Variants in MRPL9 observed in about 807,000 individuals in gnomAD.
MRPL9 encodes the protein mitochondrial ribosomal protein L9, also known as large ribosomal subunit protein bL9m.
In MRPL9, 25 loss-of-function variants were observed where a neutral mutation model predicts 27.6. That is an observed-to-expected ratio of 0.91 (90% CI 0.66 to 1.27). The LOEUF (loss-of-function observed/expected upper bound fraction) is 1.27. Among genes scored for constraint, MRPL9 ranks in the 50% most tolerant of loss-of-function variants. The pLI is 0.00. For synonymous variants in MRPL9, 154 were observed against 139.0 expected, an observed-to-expected ratio of 1.11 and a Z score of -0.76; for missense variants, 362 against 338.0, an observed-to-expected ratio of 1.07 and a Z score of -0.56.
chr1:151,760,771 G>A lies in MRPL9; in HGVS notation c.672+45C>T, dbSNP rs769763380. On this transcript the variant is annotated intron_variant, in intron 6 of 6. Coordinates refer to ENST00000368830, the MANE Select transcript of MRPL9 (RefSeq NM_031420.4). ...AAAGGAAAAAAAGGAAAAAGTGGGG[G>A]AAAAGGAGAAAGAAAAGAAAAAAGA... 7 of 1,494,550 alleles carry A rather than the reference G, an allele frequency of 4.7e-6. No individual in the cohort carries two copies. The South Asian group carries it at 7.4e-5, about 16-fold the overall frequency. The allele number at this position is 1,494,550 out of a possible 1,614,324, so 92.6% of individuals were successfully genotyped here.
In MRPL9 at chr1:151,762,989, C is replaced by T; in HGVS notation, c.310+1G>A. 2 of 1,613,962 alleles carry T rather than the reference C, an allele frequency of 1.2e-6. No homozygotes were observed. Among genetic ancestry groups the T allele is most frequent in the Non-Finnish European group, 1.7e-6 (2 of 1,179,942 alleles). ...AGGAAGCGCCTCGGCCCGGGCCTTA[C>T]TCTCCACCGACTGCGTCAGGATGAG... On this transcript the variant is annotated splice_donor_variant, in intron 2 of 6. Transcript: ENST00000368830. LOFTEE classifies it high-confidence loss of function.
chr1:151,762,108 C>T lies in MRPL9; in HGVS notation c.483G>A (p.Glu161=). The T allele has an allele frequency of 6.2e-7, 1 of 1,614,164 alleles. No individual in the cohort carries two copies. The highest frequency in any genetic ancestry group is 8.5e-7 in the Non-Finnish European group (1 of 1,179,998). ...CACTTTTTATGTTTCTACTCACCGC[C>T]TCACCTGCCTTGGTCTGGATCTTCT... ...KLEKIQTKAG[E]ATVKFLKSCR... Residue 161 remains glutamate, a synonymous_variant, in exon 4 of 7, where the codon GAG becomes GAA. Coordinates refer to ENST00000368830, the MANE Select transcript of MRPL9 (RefSeq NM_031420.4).
intron 6 of MRPL9, 78 bp from the exon 7 acceptor site, chr1:151,760,259 C>T: frequency 6.3e-7 from 1 of 1,576,394 alleles, no homozygotes; most frequent in South Asian, 1.1e-5. Flanking sequence ...CAGCTTTTCA[C>T]CCTGACTTTT....
chr1:151,761,846 C>A lies in MRPL9; in HGVS notation c.486+259G>T, dbSNP rs531021496. ...ACTTGTACGTAAATATCCTTGAAGG[C>A]AGAGCCCTCATCTCAGACTATTCCA... On this transcript the variant is annotated intron_variant, in intron 4 of 6. Coordinates refer to ENST00000368830, the MANE Select transcript of MRPL9 (RefSeq NM_031420.4). 147 of 593,388 alleles carry A rather than the reference C, an allele frequency of 2.5e-4. 6 individuals are homozygous for A. The South Asian group carries it at 3.1e-3, about 12-fold the overall frequency. The allele number at this position is 593,388 out of a possible 1,614,324, so 36.8% of individuals were successfully genotyped here.
In MRPL9 at chr1:151,760,903, CAAAA is replaced by C. The variant is rs755031728; in HGVS notation, c.589-8_589-5del. On this transcript the variant is annotated splice_polypyrimidine_tract_variant and splice_region_variant and intron_variant, in intron 5 of 6. Coordinates refer to ENST00000368830, the MANE Select transcript of MRPL9 (RefSeq NM_031420.4). Reference sequence around the variant, plus strand: ...GTGGGGCAACCACAACACCAAGCTGCAAAAAAAAAAAAAAAAAAAAAAATCTCAG... The same window carrying C: ...GTGGGGCAACCACAACACCAAGCTGCAAAAAAAAAAAAAAAAAAATCTCAG... The C allele has an allele frequency of 2.5e-3, 2,412 of 947,928 alleles. No homozygotes were observed. The highest frequency in any genetic ancestry group is 3.3e-3 in the South Asian group (150 of 45,004). The allele number at this position is 947,928 out of a possible 1,614,324, so 58.7% of individuals were successfully genotyped here. A position where few individuals can be genotyped will look rare whatever the true frequency, so the allele number is the denominator to read the frequency against.
In MRPL9 at chr1:151,762,092, T is replaced by C. The variant is rs1648110911; in HGVS notation, c.486+13A>G. On this transcript the variant is annotated intron_variant, in intron 4 of 6. Transcript: ENST00000368830. ...TCTTGTGACAAATAAACACTTTTTA[T>C]GTTTCTACTCACCGCCTCACCTGCC... 3.7e-6 allele frequency: 6 copies of C among 1,613,850 alleles called. No homozygotes were observed. Among genetic ancestry groups the C allele is most frequent in the African/African-American group, 1.3e-5 (1 of 75,054 alleles).
rs1163091408 is a variant in MRPL9, at chr1:151,763,083, G to A, written c.217C>T (p.Leu73=). The A allele has an allele frequency of 2.5e-6, 4 of 1,614,090 alleles. No individual in the cohort carries two copies. The highest frequency in any genetic ancestry group is 2.5e-6 in the Non-Finnish European group (3 of 1,179,986). ...PLAGEGRKPR[L]HRRHRVYKLV... is the part of the protein sequence containing the mutation. ...TTATAGACGCGATGTCGCCGGTGCA[G>A]GCGCGGCTTCCGGCCCTCCCCGGCC... Residue 73 remains leucine, a synonymous_variant, in exon 2 of 7, where the codon CTG becomes TTG. Coordinates refer to ENST00000368830, the MANE Select transcript of MRPL9 (RefSeq NM_031420.4).
At chr1:151,761,035 G>A (rs540466366) in intron 5 of MRPL9, 136 bp from the exon 6 acceptor site, 1 of 728,122 alleles carries the variant, frequency 1.4e-6, no homozygotes, top group South Asian at 2.1e-5. Flanking sequence ...TGTCTACTCT[G>A]GCTGATTCCA....
At chr1:151,762,606 C>A in intron 2 of MRPL9, 106 bp from the exon 3 acceptor site, 1 of 1,203,674 alleles carries the variant, frequency 8.3e-7, no homozygotes, top group Non-Finnish European at 1.2e-6. Context: ...GCTTATTTTT[C>A]CTAAAAGAAA....
intron 4 of MRPL9, 91 bp from the exon 5 acceptor site, chr1:151,761,643 TC>T: frequency 1.0e-6 from 1 of 975,280 alleles, no homozygotes; most frequent in Non-Finnish European, 1.6e-6. Flanking sequence ...ATGCCTGTAA[TC>T]CCAGCACTTT....
At chr1:151,760,664 G>T in intron 6 of MRPL9, 152 bp downstream of exon 6, 1 of 606,158 alleles carries the variant, frequency 1.6e-6, no homozygotes, top group Non-Finnish European at 2.7e-6. Context: ...CTAGCTACTT[G>T]GGAGGCTGAG....
In MRPL9 at chr1:151,763,345, G is replaced by A. The variant is rs2101546358; in HGVS notation, c.135C>T (p.Phe45=). The change falls in exon 1 of 7, where the codon TTC becomes TTT. Residue 45 remains phenylalanine, a synonymous_variant. Transcript: ENST00000368830. ...CCCTCACCCGATTTTGAGAAAGGCT[G>A]AAGTTGCAGGCCAGGTCAGGGGCGT... ...EGNAPDLACN[F]SLSQNRGTVI... 1 of 1,589,422 alleles carries A rather than the reference G, an allele frequency of 6.3e-7. No individual in the cohort carries two copies. The highest frequency in any genetic ancestry group is 1.1e-5 in the South Asian group (1 of 87,750).
chr1:151,760,922 A>AAAAAAAAAAAAAAAAAAAC, intron 5 of MRPL9, 23 bp from the exon 6 acceptor site: 1 of 1,534,112 alleles, frequency 6.5e-7, no homozygotes, highest in Non-Finnish European at 8.7e-7. Context: ...AAAAAAAAAA[A>AAAAAAAAAAAAAAAAAAAC]AAAATCTCAG....
At position 151,760,003 on chromosome 1, in the gene MRPL9, C is replaced by T. The variant is rs1259729504; in HGVS notation, c.*47G>A. The T allele has an allele frequency of 1.9e-6, 3 of 1,599,432 alleles. No individual in the cohort carries two copies. The highest frequency in any genetic ancestry group is 2.7e-5 in the African/African-American group (2 of 74,372). On this transcript the variant is annotated 3_prime_UTR_variant, in exon 7 of 7. Coordinates refer to ENST00000368830, the MANE Select transcript of MRPL9 (RefSeq NM_031420.4). ...AGATCAGGGTGCTTGCACATTTCTGCTCCACTGCTCCCGATTCTGCTTTGC... is the reference window on the plus strand; with the variant it reads ...AGATCAGGGTGCTTGCACATTTCTGTTCCACTGCTCCCGATTCTGCTTTGC...
chr1:151,763,106 G>A lies in MRPL9; in HGVS notation c.194C>T (p.Ala65Val). The A allele has an allele frequency of 6.2e-7, 1 of 1,613,952 alleles. No homozygotes were observed. Among genetic ancestry groups the A allele is most frequent in the Non-Finnish European group, 8.5e-7 (1 of 1,179,948 alleles). The stretch of plus-strand genomic sequence containing the variant: ...CAGGCGCGGCTTCCGGCCCTCCCCG[G>A]CCAGCGGTACCTTCCACCAGCGCTC... The part of the protein sequence containing the change: ...IVERWWKVPL[A>V]GEGRKPRLHR... Residue 65 changes from alanine to valine, a missense_variant, in exon 2 of 7, where the codon GCC becomes GTC. Ala to Val is a moderately conservative substitution (Grantham distance 64). Coordinates refer to ENST00000368830, the MANE Select transcript of MRPL9 (RefSeq NM_031420.4).
Position 151,763,462 on chromosome 1 carries a change from G to C in MRPL9, c.18C>G (p.Val6=), listed in dbSNP as rs780962627. The change falls in exon 1 of 7, where the codon GTC becomes GTG. Residue 6 remains valine (V), a synonymous_variant. Coordinates refer to ENST00000368830, the MANE Select transcript of MRPL9 (RefSeq NM_031420.4). The part of the protein sequence containing the change: MAAPV[V]TAPGRALLRA... ...GCAGCAGAGCTCTGCCCGGGGCCGTGACAACGGGCGCCGCCATGTTCACAG... is the reference window on the plus strand; with the variant it reads ...GCAGCAGAGCTCTGCCCGGGGCCGTCACAACGGGCGCCGCCATGTTCACAG... 1 of 1,574,662 alleles carries C rather than the reference G, an allele frequency of 6.4e-7. No individual in the cohort carries two copies. Among genetic ancestry groups the C allele is most frequent in the South Asian group, 1.2e-5 (1 of 86,482 alleles).
In MRPL9 at chr1:151,759,757, TA is replaced by T. The variant is rs1256251245; in HGVS notation, c.*292del. On this transcript the variant is annotated 3_prime_UTR_variant, in exon 7 of 7. Transcript: ENST00000368830. Reference sequence around the variant, plus strand: ...TGGCTGGCTCTCCTGTTTGTCCCAATAAACTCCAATGGAGGAAGAAGCTAAA... The same window carrying T: ...TGGCTGGCTCTCCTGTTTGTCCCAATAACTCCAATGGAGGAAGAAGCTAAA... The T allele has an allele frequency of 2.1e-5, 6 of 289,614 alleles. No individual in the cohort carries two copies. The highest frequency in any genetic ancestry group is 3.8e-5 in the Non-Finnish European group (6 of 157,384). The allele number at this position is 289,614 out of a possible 1,614,324, so 17.9% of individuals were successfully genotyped here. A position where few individuals can be genotyped will look rare whatever the true frequency, so the allele number is the denominator to read the frequency against.
chr1:151,760,739 T>G, intron 6 of MRPL9, 77 bp downstream of exon 6: 1 of 1,316,430 alleles, frequency 7.6e-7, no homozygotes, highest in Non-Finnish European at 1.0e-6. Flanking sequence ...AACCCTGTCT[T>G]TAAGAGAAAG....
chr1:151,763,421 C>G lies in MRPL9; in HGVS notation c.59G>C (p.Arg20Pro), dbSNP rs372356740. The G allele has an allele frequency of 6.4e-7, 1 of 1,565,404 alleles. No homozygotes were observed. The highest frequency in any genetic ancestry group is 8.7e-7 in the Non-Finnish European group (1 of 1,154,754). ...GRALLRAGAG[R>P]LLRGGVQELL... Reference sequence around the variant, plus strand: ...CTCCTGGACGCCTCCCCGAAGCAGCCGTCCAGCGCCCGCCCGCAGCAGAGC... The same window carrying G: ...CTCCTGGACGCCTCCCCGAAGCAGCGGTCCAGCGCCCGCCCGCAGCAGAGC... Residue 20 changes from arginine to proline, a missense_variant, in exon 1 of 7, where the codon CGG becomes CCG. Arg to Pro is a moderately radical substitution (Grantham distance 103, BLOSUM62 -2). Transcript: ENST00000368830.
Sources: allele counts gnomAD v4.1 joint callset, GRCh38; gene constraint gnomAD v4.1.1; transcripts MANE v1.5; gene names NCBI Gene and HGNC (gene_info 2026-07-23, HGNC 2026-07-21).